CROCC: variants seen among roughly 807,000 people sequenced by gnomAD.
CROCC encodes the protein rootletin.
CROCC carries 180 observed loss-of-function variants against 245.2 expected under a neutral mutation model. The observed-to-expected ratio is 0.73, with a 90% CI of 0.65 to 0.83. The LOEUF is 0.83. Ranked by LOEUF, CROCC falls within the 40% of genes least tolerant of loss-of-function variation. The pLI is 0.00. For synonymous variants in CROCC, 1,205 were observed against 1,241.6 expected (o/e 0.97, Z 0.62); for missense variants, 2,688 against 2,779.4 (o/e 0.97, Z 0.74).
intron 35 of CROCC, 97 bp downstream of exon 35, chr1:16,970,864 A>T (rs2076506218): frequency 7.3e-7 from 1 of 1,378,182 alleles, no homozygotes; most frequent in Non-Finnish European, 9.5e-7. Context: ...CAGGGCCCAT[A>T]ACCCCCTCCC....
intron 2 of CROCC, among the ~76,000 whole-genome samples, chr1:16,923,050 G>C (rs2075445152): frequency 6.6e-6 from 1 of 152,294 alleles, no homozygotes; most frequent in Admixed American, 6.5e-5. Context: ...CCTGTAGCCT[G>C]CTGCAGAGAT....
Position 16,968,229 on chromosome 1 carries a change from T to C in CROCC, c.4887T>C (p.Asn1629=). The C allele has an allele frequency of 1.9e-6, 3 of 1,567,008 alleles. No individual in the cohort carries two copies. The highest frequency in any genetic ancestry group is 2.6e-6 in the Non-Finnish European group (3 of 1,157,326). Residue 1629 remains asparagine, a synonymous_variant, in exon 31 of 37, where the codon AAT becomes AAC. Transcript: ENST00000375541. ...AGAAGATCAGCAAGATGAAGGCCAA[T>C]GAGACAAAGCTGGAGGGCGACAAGC... is the stretch of plus-strand genomic sequence containing the variant. ...SQEKISKMKA[N]ETKLEGDKRR...
rs747598033 is a variant in CROCC, at chr1:16,930,260, G to C, written c.622-26G>C. On this transcript the variant is annotated intron_variant, in intron 5 of 36. Coordinates refer to ENST00000375541, the MANE Select transcript of CROCC (RefSeq NM_014675.5). ...GCCCTGCCCTCCACCTGCCCAACCT[G>C]ATGCTTTAACCTCTCTCCCACCCAG... is the stretch of plus-strand genomic sequence containing the variant. The C allele has an allele frequency of 3.1e-6, 5 of 1,593,652 alleles. No individual in the cohort carries two copies. In the East Asian group the frequency reaches 1.1e-4, roughly 36 times the overall value.
In CROCC at chr1:16,936,726, C is replaced by G. The variant is rs1212597949; in HGVS notation, c.1046C>G (p.Ala349Gly). Residue 349 changes from alanine (A) to glycine (G), a missense_variant, in exon 9 of 37, where the codon GCA becomes GGA. By Grantham distance (60) the Ala-to-Gly change is moderately conservative. Around this residue, in one of 9 missense-constraint regions of CROCC, gnomAD observed 972 missense variants for 895.3 expected, o/e 1.09. Transcript: ENST00000375541. ...GLGLSTGLRLAESRAEAALEK... is the reference protein window; with the variant it reads ...GLGLSTGLRLGESRAEAALEK... ...GGACTGAGCACGGGCCTACGGCTGG[C>G]AGAGAGCCGGGCCGAGGCAGCCCTG... The G allele has an allele frequency of 1.9e-6, 3 of 1,607,982 alleles. No individual in the cohort carries two copies. The highest frequency in any genetic ancestry group is 2.5e-6 in the Non-Finnish European group (3 of 1,178,258).
intron 9 of CROCC, among the ~76,000 whole-genome samples, 197 bp from the exon 10 acceptor site, chr1:16,937,440 TGGTG>T: frequency 6.6e-6 from 1 of 152,268 alleles, no homozygotes; most frequent in Non-Finnish European, 1.5e-5. Flanking sequence ...GAGATAAAGC[TGGTG>T]GGAACCTCAT....
intron 5 of CROCC, 22 bp downstream of exon 5, chr1:16,930,229 G>T (rs1477222286): frequency 6.3e-7 from 1 of 1,586,956 alleles, no homozygotes; most frequent in Non-Finnish European, 8.6e-7. Context: ...TGTGGGGCAG[G>T]GGCAGGCCCT....
intron 13 of CROCC, chr1:16,940,832 TCCTCCCACCTCTA>T (rs1296660830): frequency 7.2e-5 from 27 of 374,434 alleles, no homozygotes; most frequent in African/African-American, 5.1e-4. Context: ...ACTCAAGCGA[TCCTCCCACCTCTA>T]CCTCCCAACT....
At chr1:16,928,835 T>A (rs1294819164) in intron 3 of CROCC, among the ~76,000 whole-genome samples, 12 of 151,858 alleles carry the variant, frequency 7.9e-5, no homozygotes, top group South Asian at 2.1e-4. Flanking sequence ...AAATAAAAAA[T>A]AAATAAATAA....
At position 16,971,589 on chromosome 1, in the gene CROCC, G is replaced by A. The variant is rs548188535; in HGVS notation, c.5909G>A (p.Arg1970His). 46 of 1,527,962 alleles carry A rather than the reference G, an allele frequency of 3.0e-5. No individual in the cohort carries two copies. Among genetic ancestry groups the A allele is most frequent in the East Asian group, 2.2e-4 (9 of 40,490 alleles). The allele number at this position is 1,527,962 out of a possible 1,614,324, so 94.7% of individuals were successfully genotyped here. The change falls in exon 36 of 37, where the codon CGC becomes CAC. Residue 1970 changes from arginine (R) to histidine (H), a missense_variant. Arg to His is a conservative substitution (Grantham distance 29). Around this residue, in one of 9 missense-constraint regions of CROCC, gnomAD observed 1,218 missense variants for 1,286.3 expected, o/e 0.95. Coordinates refer to ENST00000375541, the MANE Select transcript of CROCC (RefSeq NM_014675.5). ...RLRSAQAQTE[R>H]TLEARERAHR... ...CGCAGCGCCCAGGCGCAGACTGAGCGCACCCTGGAGGCTCGGGAGCGGGCC... is the reference window on the plus strand; with the variant it reads ...CGCAGCGCCCAGGCGCAGACTGAGCACACCCTGGAGGCTCGGGAGCGGGCC...
rs762565818 is a variant in CROCC at position 16,938,987 on chromosome 1, C to T, written c.1453C>T (p.Arg485Trp). Reference protein sequence around the residue: ...RTADASNGSLRGLSGQRTPSP... With the variant: ...RTADASNGSLWGLSGQRTPSP... ...CGCGGATGCTTCCAACGGCAGCCTG[C>T]GGGGGCTCTCGGGCCAGCGGACCCC... Residue 485 changes from arginine (R) to tryptophan (W), a missense_variant, in exon 12 of 37, where the codon CGG becomes TGG. Arg to Trp is a moderately radical substitution (Grantham distance 101). Transcript: ENST00000375541. 6 of 1,603,928 alleles carry T rather than the reference C, an allele frequency of 3.7e-6. No homozygotes were observed. Among genetic ancestry groups the T allele is most frequent in the South Asian group, 3.3e-5 (3 of 89,858 alleles).
chr1:16,961,989 C>T (rs1049606634), intron 27 of CROCC, among the ~76,000 whole-genome samples: 1 of 152,196 alleles, frequency 6.6e-6, no homozygotes, highest in Admixed American at 6.5e-5. Context: ...TTTCAGTCAT[C>T]TCTAGGTTAC....
At position 16,936,730 on chromosome 1, in the gene CROCC, G is replaced by C. The variant is rs773430006; in HGVS notation, c.1050G>C (p.Glu350Asp). The C allele has an allele frequency of 6.8e-6, 11 of 1,608,188 alleles. No individual in the cohort carries two copies. Among genetic ancestry groups the C allele is most frequent in the Non-Finnish European group, 9.3e-6 (11 of 1,178,420 alleles). Residue 350 changes from glutamate to aspartate, a missense_variant, in exon 9 of 37, where the codon GAG (glutamate) becomes GAC (aspartate). Glu to Asp is a conservative substitution (Grantham distance 45). Coordinates refer to ENST00000375541, the MANE Select transcript of CROCC (RefSeq NM_014675.5). ...LGLSTGLRLAESRAEAALEKQ... is the reference protein window; with the variant it reads ...LGLSTGLRLADSRAEAALEKQ... ...TGAGCACGGGCCTACGGCTGGCAGAGAGCCGGGCCGAGGCAGCCCTGGAGA... is the reference window on the plus strand; with the variant it reads ...TGAGCACGGGCCTACGGCTGGCAGACAGCCGGGCCGAGGCAGCCCTGGAGA...
chr1:16,925,478 A>C (rs1334292773), intron 3 of CROCC, among the ~76,000 whole-genome samples: 2 of 152,296 alleles, frequency 1.3e-5, no homozygotes, highest in Non-Finnish European at 2.9e-5. Flanking sequence ...AAACTAACCC[A>C]GTCTAGAAAC....
intron 20 of CROCC, 77 bp from the exon 21 acceptor site, chr1:16,953,225 T>C: frequency 7.3e-7 from 1 of 1,377,288 alleles, no homozygotes; most frequent in Non-Finnish European, 9.9e-7. Context: ...CAGATGGCTC[T>C]TGCTGCCCTG....
At chr1:16,928,335 C>T (rs1195240155) in intron 3 of CROCC, among the ~76,000 whole-genome samples, 2 of 152,268 alleles carry the variant, frequency 1.3e-5, no homozygotes, top group African/African-American at 2.4e-5. Flanking sequence ...TGAGGGGCCA[C>T]CTGGGGCCAG....
chr1:16,938,966 G>A lies in CROCC; in HGVS notation c.1432G>A (p.Asp478Asn). 1.9e-6 allele frequency: 3 copies of A among 1,605,428 alleles called. No homozygotes were observed. The highest frequency in any genetic ancestry group is 4.5e-5 in the East Asian group (2 of 44,588). ...GCTGAGCGGCTCTGAGCGCACCGCG[G>A]ATGCTTCCAACGGCAGCCTGCGGGG... is the stretch of plus-strand genomic sequence containing the variant. Reference protein sequence around the residue: ...VQLSGSERTADASNGSLRGLS... With the variant: ...VQLSGSERTANASNGSLRGLS... Residue 478 changes from aspartate (D) to asparagine (N), a missense_variant, in exon 12 of 37, where the codon GAT becomes AAT. By Grantham distance (23) the Asp-to-Asn change is conservative. Transcript: ENST00000375541.
At chr1:16,953,678 A>G (rs866495477) in intron 21 of CROCC, 197 bp downstream of exon 21, 164 of 567,352 alleles carry the variant, frequency 2.9e-4, no homozygotes, top group Middle Eastern at 9.4e-4. Context: ...CCTGGCACAC[A>G]GTGAGCACTT....
Position 16,970,263 on chromosome 1 carries a change from A to G in CROCC, c.5462A>G (p.Gln1821Arg). The G allele has an allele frequency of 6.4e-7, 1 of 1,557,472 alleles. No homozygotes were observed. The highest frequency in any genetic ancestry group is 8.7e-7 in the Non-Finnish European group (1 of 1,147,280). The change falls in exon 34 of 37, where the codon CAG (glutamine) becomes CGG (arginine). Residue 1821 changes from glutamine to arginine, a missense_variant. Gln to Arg is a conservative substitution (Grantham distance 43). Coordinates refer to ENST00000375541, the MANE Select transcript of CROCC (RefSeq NM_014675.5). Reference protein sequence around the residue: ...QLQQLREVLRQRQEGEAAALN... With the variant: ...QLQQLREVLRRRQEGEAAALN... ...TGGCTTCTGTTGCAGGTGCTGCGGC[A>G]GCGGCAGGAGGGTGAGGCTGCAGCC...
rs1277341911 is a variant in CROCC, at chr1:16,969,771, C to T, written c.5302-14C>T. The T allele has an allele frequency of 1.9e-6, 3 of 1,609,854 alleles. No homozygotes were observed. The highest frequency in any genetic ancestry group is 2.5e-6 in the Non-Finnish European group (3 of 1,178,264). ...TCCCAGGCCAGCCAGGCACCATCAG[C>T]CCCTGTCCCCCAGGAACGGCTGGAT... On this transcript the variant is annotated splice_polypyrimidine_tract_variant and intron_variant, in intron 32 of 36. Transcript: ENST00000375541.
Sources: gnomAD v4.1 joint callset for allele counts (sites outside exome capture counted in the v4.1 genomes callset) on GRCh38, gnomAD v4.1.1 for gene constraint, gnomAD v4.1.1 regional missense constraint, MANE v1.5 for transcripts, NCBI Gene and HGNC (gene_info 2026-07-23, HGNC 2026-07-21) for gene names.